Variants in YTHDC2 observed in about 807,000 individuals in gnomAD.
The protein encoded by YTHDC2 is YTH N6-methyladenosine RNA binding protein C2.
A neutral mutation model predicts 174.9 loss-of-function variants in YTHDC2; 45 were observed. That is an observed-to-expected ratio of 0.26 (90% CI 0.20 to 0.33). YTHDC2 has a LOEUF of 0.33. YTHDC2 is among the 10% of genes least tolerant of loss of function. The pLI is 1.00. For synonymous variants in YTHDC2, 657 were observed against 574.5 expected (o/e 1.14, Z -2.05); for missense variants, 1,650 against 1,723.7 (o/e 0.96, Z 0.76).
chr5:113,575,982 T>C (rs1778020668), intron 23 of YTHDC2, among the ~76,000 whole-genome samples: 1 of 152,168 alleles, frequency 6.6e-6, no homozygotes, highest in South Asian at 2.1e-4. Context: ...TCTCAGATTT[T>C]GGTTATAGTA....
intron 25 of YTHDC2, chr5:113,583,576 C>G (rs1038491401): frequency 1.3e-5 from 2 of 152,330 alleles, no homozygotes; most frequent in African/African-American, 4.8e-5. Flanking sequence ...CCTCTGCCTC[C>G]TGGGTTCAAG....
At chr5:113,567,427 T>TATATATATATATATATATATA (rs138503872) in intron 22 of YTHDC2, 130 bp downstream of exon 22, 2 of 372,288 alleles carry the variant, frequency 5.4e-6, no homozygotes, top group African/African-American at 5.1e-5. Flanking sequence ...TATATATATA[T>TATATATATATATATATATATA]CATTAAATAT....
intron 4 of YTHDC2, among the ~76,000 whole-genome samples, chr5:113,531,116 G>T (rs1774627126): frequency 6.6e-6 from 1 of 152,100 alleles, no homozygotes; most frequent in African/African-American, 2.4e-5. Context: ...TTTTTCAGAA[G>T]ATCTCTTTGA....
intron 25 of YTHDC2, chr5:113,583,464 A>G (rs895573859): frequency 9.2e-5 from 14 of 151,786 alleles, no homozygotes; most frequent in African/African-American, 2.7e-4. Context: ...TCTATACCCT[A>G]TGTATCTTTT....
At chr5:113,519,862 A>G (rs980007548) in intron 2 of YTHDC2, among the ~76,000 whole-genome samples, 1 of 152,214 alleles carries the variant, frequency 6.6e-6, no homozygotes, top group Non-Finnish European at 1.5e-5. Context: ...TAAATCAAAG[A>G]GTCAATACAC....
In YTHDC2 at chr5:113,592,190, CATTT is replaced by C; in HGVS notation, c.4212+13_4212+16del. ...GCAGGGATGGGCAGGTATACAATGG[CATTT>C]TTTTTTTTATTTACTTTTGTTTCTG... On this transcript the variant is annotated intron_variant, in intron 28 of 29. Transcript: ENST00000161863. The C allele has an allele frequency of 6.8e-7, 1 of 1,479,802 alleles. No homozygotes were observed. The highest frequency in any genetic ancestry group is 2.4e-5 in the East Asian group (1 of 42,320). The allele number at this position is 1,479,802 out of a possible 1,614,324, so 91.7% of individuals were successfully genotyped here.
intron 6 of YTHDC2, 32 bp downstream of exon 6, chr5:113,534,439 C>T (rs1243560935): frequency 3.8e-6 from 6 of 1,564,454 alleles, no homozygotes; most frequent in Non-Finnish European, 5.3e-6. Context: ...TCATATGTAA[C>T]TCAGATTGCT....
In YTHDC2 at chr5:113,513,725, A is replaced by G. The variant is rs1199634655; in HGVS notation, c.-171A>G. 1.5e-6 allele frequency: 1 copy of G among 687,050 alleles called. No homozygotes were observed. The highest frequency in any genetic ancestry group is 2.3e-6 in the Non-Finnish European group (1 of 441,356). 42.6% of individuals were successfully genotyped at this position (687,050 alleles called of 1,614,324 possible). On this transcript the variant is annotated 5_prime_UTR_variant, in exon 1 of 30. Transcript: ENST00000161863. ...CGCCTGGCCGTGATATCAATGGCGC[A>G]GGCTTCACTTCTGCTGTGGCGGTGA...
At position 113,536,576 on chromosome 5, in the gene YTHDC2, A is replaced by G. The variant is rs372611237; in HGVS notation, c.1102+778A>G. Among the ~76,000 whole-genome samples, 33 of 152,320 alleles carry G rather than the reference A, an allele frequency of 2.2e-4. 4 individuals are homozygous for G. Among genetic ancestry groups the G allele is most frequent in the Admixed American group, 7.2e-4 (11 of 15,300 alleles). On this transcript the variant is annotated intron_variant, in intron 7 of 29. Transcript: ENST00000161863. The stretch of plus-strand genomic sequence containing the variant: ...AAAGTTCTGTTTACTTCAGTGAAAT[A>G]ATACAAAAATATATATAGAAAAAGT...
chr5:113,534,183 A>C (rs1245313518), intron 5 of YTHDC2, 122 bp from the exon 6 acceptor site: 7 of 704,258 alleles, frequency 9.9e-6, no homozygotes, highest in South Asian at 9.7e-5. Flanking sequence ...TAAACTGTAC[A>C]TACCGGTACA....
At chr5:113,567,448 C>T in intron 22 of YTHDC2, 151 bp downstream of exon 22, 1 of 471,240 alleles carries the variant, frequency 2.1e-6, no homozygotes, top group Non-Finnish European at 3.1e-6. Context: ...TGGAACAAAA[C>T]TTATAAATTT....
In YTHDC2 at chr5:113,543,100, G is replaced by A. The variant is rs184372157; in HGVS notation, c.1495+597G>A. On this transcript the variant is annotated intron_variant, in intron 10 of 29. Transcript: ENST00000161863. ...TTAATCCTTAAGTGGATCTCAAATA[G>A]TCATTGCTTTAAATATCTATTTTAA... 1.1e-3 allele frequency among the ~76,000 whole-genome samples: 167 copies of A among 152,172 alleles called. 1 individual carries two copies. Among genetic ancestry groups the A allele is most frequent in the Non-Finnish European group, 1.8e-3 (125 of 67,984 alleles).
At chr5:113,567,360 T>C in intron 22 of YTHDC2, 63 bp downstream of exon 22, 1 of 1,301,132 alleles carries the variant, frequency 7.7e-7, no homozygotes, top group Non-Finnish European at 1.0e-6. Flanking sequence ...TCACTATCAA[T>C]GAAAAATGCT....
chr5:113,554,106 G>A, intron 16 of YTHDC2, 84 bp downstream of exon 16: 1 of 1,234,844 alleles, frequency 8.1e-7, no homozygotes, highest in East Asian at 2.7e-5. Flanking sequence ...TTATTTAGTT[G>A]TTTTTCTTTT....
intron 4 of YTHDC2, among the ~76,000 whole-genome samples, chr5:113,530,358 C>G (rs1440237888): frequency 6.6e-6 from 1 of 152,004 alleles, no homozygotes; most frequent in Non-Finnish European, 1.5e-5. Flanking sequence ...ATCTCATTAT[C>G]TCTTCCTGCA....
At position 113,513,950 on chromosome 5, in the gene YTHDC2, G is replaced by A. The variant is rs536705446; in HGVS notation, c.55G>A (p.Gly19Ser). The A allele has an allele frequency of 3.7e-6, 6 of 1,603,552 alleles. No homozygotes were observed. The South Asian group carries it at 5.6e-5, about 15-fold the overall frequency. Residue 19 changes from glycine (G) to serine (S), a missense_variant, in exon 1 of 30, where the codon GGC (glycine) becomes AGC (serine). By Grantham distance (56) the Gly-to-Ser change is moderately conservative. Coordinates refer to ENST00000161863, the MANE Select transcript of YTHDC2 (RefSeq NM_022828.5). Reference protein sequence around the residue: ...PRQPAPGGGGGGGPSPCGPGG... With the variant: ...PRQPAPGGGGSGGPSPCGPGG... The stretch of plus-strand genomic sequence containing the variant: ...GCAGCCGGCTCCTGGCGGTGGCGGA[G>A]GCGGCGGCCCCTCGCCTTGTGGCCC...
At chr5:113,522,023 A>T (rs1291116959) in intron 2 of YTHDC2, among the ~76,000 whole-genome samples, 1 of 151,938 alleles carries the variant, frequency 6.6e-6, no homozygotes, top group Non-Finnish European at 1.5e-5. Flanking sequence ...AGTATTGGGG[A>T]GAAAGTGGTT....
In YTHDC2 at chr5:113,533,107, A is replaced by C. The variant is rs536595732; in HGVS notation, c.842+62A>C. 1.7e-5 allele frequency: 26 copies of C among 1,552,294 alleles called. No homozygotes were observed. In the African/African-American group the frequency reaches 3.4e-4, roughly 20 times the overall value. ...GCTTAAAAAAGACTATGTATATTTCACTAAAAATAGAGGATGTGTTCGTTG... is the reference window on the plus strand; with the variant it reads ...GCTTAAAAAAGACTATGTATATTTCCCTAAAAATAGAGGATGTGTTCGTTG... On this transcript the variant is annotated intron_variant, in intron 5 of 29. Coordinates refer to ENST00000161863, the MANE Select transcript of YTHDC2 (RefSeq NM_022828.5).
intron 16 of YTHDC2, among the ~76,000 whole-genome samples, chr5:113,554,289 CA>C (rs1776458839): frequency 2.6e-5 from 4 of 151,898 alleles, no homozygotes; most frequent in Admixed American, 6.6e-5. Context: ...ACAAAGTATA[CA>C]AAAATGTAGC....
Sources: gnomAD v4.1 joint callset for allele counts (sites outside exome capture counted in the v4.1 genomes callset) on GRCh38, gnomAD v4.1.1 for gene constraint, MANE v1.5 for transcripts, NCBI Gene and HGNC (gene_info 2026-07-23, HGNC 2026-07-21) for gene names.